The following GRAMD2B variants were observed in gnomAD, a reference collection of about 807,000 sequenced individuals.
GRAMD2B encodes GRAM domain containing 2B.
Under a neutral mutation model 59.2 loss-of-function variants are expected in GRAMD2B, and 41 were observed. That is an observed-to-expected ratio of 0.69 (90% confidence interval 0.54 to 0.90). GRAMD2B has a LOEUF of 0.90. GRAMD2B is among the 40% of genes least tolerant of loss of function. The pLI is 0.00. For missense variants in GRAMD2B, 424 were observed against 500.5 expected, an observed-to-expected ratio of 0.85 and a Z score of 1.46; for synonymous variants, 161 against 182.7, an observed-to-expected ratio of 0.88 and a Z score of 0.96.
At chr5:126,369,925 A>G (rs1561454368), upstream of GRAMD2B, among the ~76,000 whole-genome samples, 1 of 152,228 alleles carries the variant, frequency 6.6e-6, no homozygotes, top group Admixed American at 6.5e-5. Flanking sequence ...TGACTGGTTT[A>G]ATTCAGCAAT....
At chr5:126,407,467 C>T (rs1387781064) in intron 1 of GRAMD2B, among the ~76,000 whole-genome samples, 5 of 151,912 alleles carry the variant, frequency 3.3e-5, no homozygotes, top group Non-Finnish European at 7.4e-5. Flanking sequence ...TAAGCTAGAG[C>T]GTTCGGGGTG....
In GRAMD2B at chr5:126,423,500, G is replaced by T; in HGVS notation, c.-107G>T. The T allele has an allele frequency of 6.5e-7, 1 of 1,530,888 alleles. No homozygotes were observed. Among genetic ancestry groups the T allele is most frequent in the South Asian group, 1.2e-5 (1 of 81,792 alleles). The allele number at this position is 1,530,888 out of a possible 1,614,324, so 94.8% of individuals were successfully genotyped here. On this transcript the variant is annotated 5_prime_UTR_variant, in exon 1 of 14. Transcript: ENST00000285689. The stretch of plus-strand genomic sequence containing the variant: ...CGCTGGGCGGAGGGTGCAGGGGAGG[G>T]CACGGCGCCGCTTGCTTGGCCTGCG...
intron 1 of GRAMD2B, among the ~76,000 whole-genome samples, chr5:126,410,570 C>G (rs1488352675): frequency 6.6e-6 from 1 of 152,092 alleles, no homozygotes; most frequent in Non-Finnish European, 1.5e-5. Context: ...AGTTGCTTAT[C>G]AGCTGAAGGA....
chr5:126,392,671 T>C (rs1756935076), intron 1 of GRAMD2B, among the ~76,000 whole-genome samples: 1 of 152,096 alleles, frequency 6.6e-6, no homozygotes, highest in African/African-American at 2.4e-5. Context: ...GAAAGAAAAA[T>C]TCTTTTTCTT....
At chr5:126,429,639 C>G (rs1184057619) in intron 1 of GRAMD2B, among the ~76,000 whole-genome samples, 1 of 152,068 alleles carries the variant, frequency 6.6e-6, no homozygotes, top group Non-Finnish European at 1.5e-5. Context: ...TTTTTAACAT[C>G]TGGGACATGC....
intron 1 of GRAMD2B, among the ~76,000 whole-genome samples, chr5:126,446,994 C>A (rs1285139758): frequency 6.6e-6 from 1 of 152,194 alleles, no homozygotes; most frequent in African/African-American, 2.4e-5. Context: ...CCCCTCCCAG[C>A]AGTAATTATG....
intron 4 of GRAMD2B, 69 bp from the exon 5 acceptor site, chr5:126,473,196 A>C (rs1011541727): frequency 1.1e-5 from 6 of 558,794 alleles, no homozygotes; most frequent in Non-Finnish European, 1.8e-5. Context: ...TGAGTCACCA[A>C]AATATATACA....
chr5:126,368,341 G>T (rs1435236082), upstream of GRAMD2B, among the ~76,000 whole-genome samples: 1 of 152,232 alleles, frequency 6.6e-6, no homozygotes, highest in African/African-American at 2.4e-5. Context: ...GCTGTGGATG[G>T]CTGCACAGCA....
In GRAMD2B at chr5:126,493,922, T is replaced by C. The variant is rs538671765; in HGVS notation, c.*966T>C. 6.5e-6 allele frequency: 1 copy of C among 152,778 alleles called. No homozygotes were observed. Among genetic ancestry groups the C allele is most frequent in the East Asian group, 1.9e-4 (1 of 5,182 alleles). The allele number at this position is 152,778 out of a possible 1,614,324, so 9.5% of individuals were successfully genotyped here. A position where few individuals can be genotyped will look rare whatever the true frequency, so the allele number is the denominator to read the frequency against. Reference sequence around the variant, plus strand: ...GGTGGTTTGCTAACTATTTACCATATGGGTTGGCTGGTTTTTATTAATAAT... The same window carrying C: ...GGTGGTTTGCTAACTATTTACCATACGGGTTGGCTGGTTTTTATTAATAAT... On this transcript the variant is annotated 3_prime_UTR_variant, in exon 14 of 14. Coordinates refer to ENST00000285689, the MANE Select transcript of GRAMD2B (RefSeq NM_023927.4).
intron 1 of GRAMD2B, among the ~76,000 whole-genome samples, chr5:126,411,224 T>C (rs1194488123): frequency 6.6e-6 from 1 of 152,164 alleles, no homozygotes; most frequent in Non-Finnish European, 1.5e-5. Flanking sequence ...TCTAGGATTC[T>C]TACAGTCTGA....
intron 13 of GRAMD2B, 123 bp downstream of exon 13, chr5:126,489,015 C>A (rs1475477067): frequency 8.9e-6 from 5 of 560,962 alleles, no homozygotes; most frequent in Non-Finnish European, 1.6e-5. Flanking sequence ...ACATGATCAA[C>A]CCTGGCTAGG....
chr5:126,460,931 C>G (rs1767236733), intron 1 of GRAMD2B, among the ~76,000 whole-genome samples: 1 of 152,168 alleles, frequency 6.6e-6, no homozygotes, highest in Admixed American at 6.6e-5. Flanking sequence ...TTAAAATGAT[C>G]AGAGACTTTT....
At chr5:126,456,509 C>G (rs573915561) in intron 1 of GRAMD2B, among the ~76,000 whole-genome samples, 5 of 152,302 alleles carry the variant, frequency 3.3e-5, no homozygotes, top group African/African-American at 1.2e-4. Context: ...CCATACCCAG[C>G]CTACCACTTC....
upstream of GRAMD2B, among the ~76,000 whole-genome samples, chr5:126,368,021 G>A (rs1754547191): frequency 6.6e-6 from 1 of 152,320 alleles, no homozygotes; most frequent in Non-Finnish European, 1.5e-5. Context: ...AAAGTGCTGG[G>A]ATTACAGGCG....
chr5:126,463,029 T>G (rs748028088), intron 1 of GRAMD2B, among the ~76,000 whole-genome samples: 5 of 152,212 alleles, frequency 3.3e-5, no homozygotes, highest in Non-Finnish European at 7.3e-5. Flanking sequence ...GGTTAAGCAC[T>G]TAAGTCACCT....
chr5:126,449,712 C>A (rs1764982213), intron 1 of GRAMD2B, among the ~76,000 whole-genome samples: 1 of 152,088 alleles, frequency 6.6e-6, no homozygotes, highest in Non-Finnish European at 1.5e-5. Context: ...GAAAAAGAAT[C>A]CTGAGCTGTA....
chr5:126,440,213 C>A (rs1763064961), intron 1 of GRAMD2B, among the ~76,000 whole-genome samples: 1 of 152,090 alleles, frequency 6.6e-6, no homozygotes, highest in Non-Finnish European at 1.5e-5. Context: ...TAAAACAACA[C>A]ACCTACTAAA....
At chr5:126,360,458 C>A in exon 1 of GRAMD2B, 2 of 1,550,292 alleles carry the variant, frequency 1.3e-6, no homozygotes, top group Non-Finnish European at 1.7e-6. Context: ...GGACCTGGAA[C>A]TGTAAGTGAC....
rs1253181535 is a variant in GRAMD2B at position 126,493,985 on chromosome 5, A to G, written c.*1029A>G. The G allele has an allele frequency of 6.5e-6, 1 of 152,680 alleles. No individual in the cohort carries two copies. Among genetic ancestry groups the G allele is most frequent in the Non-Finnish European group, 1.5e-5 (1 of 68,044 alleles). The allele number at this position is 152,680 out of a possible 1,614,324, so 9.5% of individuals were successfully genotyped here. A position where few individuals can be genotyped will look rare whatever the true frequency, so the allele number is the denominator to read the frequency against. On this transcript the variant is annotated 3_prime_UTR_variant, in exon 14 of 14. Coordinates refer to ENST00000285689, the MANE Select transcript of GRAMD2B (RefSeq NM_023927.4). The stretch of plus-strand genomic sequence containing the variant: ...CATAAGATCTGTAAGTACAAAGGAT[A>G]TTCTGTTTCTATCTGCAATGCATTT...
Sources: gnomAD v4.1 joint callset for allele counts (sites outside exome capture counted in the v4.1 genomes callset) on GRCh38, gnomAD v4.1.1 for gene constraint, MANE v1.5 for transcripts, NCBI Gene and HGNC (gene_info 2026-07-23, HGNC 2026-07-21) for gene names.